The following CDH12 variants were observed in gnomAD, a reference collection of about 807,000 sequenced individuals.
CDH12 encodes cadherin-12.
In CDH12, 41 loss-of-function variants were observed where a neutral mutation model predicts 74.1. The observed-to-expected ratio is 0.55, with a 90% CI of 0.43 to 0.72. The LOEUF (loss-of-function observed/expected upper bound fraction) is 0.72. Ranked by LOEUF, CDH12 falls within the 30% of genes least tolerant of loss-of-function variation. The pLI is 0.00. For synonymous variants in CDH12, 399 were observed against 355.0 expected, an observed-to-expected ratio of 1.12 and a Z score of -1.39; for missense variants, 945 against 977.2, an observed-to-expected ratio of 0.97 and a Z score of 0.44.
intron 3 of CDH12, among the ~76,000 whole-genome samples, chr5:22,358,974 C>T (rs2150471493): frequency 6.6e-6 from 1 of 152,272 alleles, no homozygotes; most frequent in African/African-American, 2.4e-5. Flanking sequence ...ACTGCAAAAA[C>T]ATGCCAAAGT....
At chr5:21,891,572 T>TACACACAC (rs66657734) in intron 6 of CDH12, among the ~76,000 whole-genome samples, 15,568 of 144,938 alleles carry the variant, frequency 0.11, 958 homozygotes, top group Admixed American at 0.17. Flanking sequence ...CACACACACA[T>TACACACAC]ACACACACAC....
chr5:22,403,137 G>T (rs1212972143), intron 3 of CDH12, among the ~76,000 whole-genome samples: 1 of 152,170 alleles, frequency 6.6e-6, no homozygotes, highest in Non-Finnish European at 1.5e-5. Context: ...CTCCCAGAAA[G>T]GACCAACCCT....
intron 5 of CDH12, among the ~76,000 whole-genome samples, chr5:22,047,328 G>A (rs1259793024): frequency 2.6e-5 from 4 of 151,896 alleles, no homozygotes; most frequent in Non-Finnish European, 5.9e-5. Flanking sequence ...TTGGCTGCAG[G>A]CTTTTCACCT....
At chr5:21,897,447 G>A (rs138316653) in intron 6 of CDH12, among the ~76,000 whole-genome samples, 260 of 152,258 alleles carry the variant, frequency 1.7e-3, no homozygotes, top group African/African-American at 5.8e-3. Flanking sequence ...TGTCTGTTAC[G>A]TTGAATGAAA....
Position 22,430,076 on chromosome 5 carries a change from C to T in CDH12, c.-427-24725G>A, listed in dbSNP as rs1048163259. Among the ~76,000 whole-genome samples, 8 of 151,910 alleles carry T rather than the reference C, an allele frequency of 5.3e-5. No homozygotes were observed. In the East Asian group the frequency reaches 1.5e-3, roughly 29 times the overall value. ...ATTTTTCCATTTTCCTTTTATATAC[C>T]CCCTAAGATACTTTTACTACTTGAG... On this transcript the variant is annotated intron_variant, in intron 2 of 14. Transcript: ENST00000382254.
At chr5:22,559,039 T>C (rs1738928683) in intron 1 of CDH12, among the ~76,000 whole-genome samples, 1 of 152,132 alleles carries the variant, frequency 6.6e-6, no homozygotes, top group African/African-American at 2.4e-5. Context: ...TCCTTTTCTA[T>C]CTACTCCTTA....
intron 4 of CDH12, among the ~76,000 whole-genome samples, chr5:22,150,807 T>G (rs1747525396): frequency 6.6e-6 from 1 of 152,102 alleles, no homozygotes. Flanking sequence ...AAAAAAGATA[T>G]CCCCTCTAGG....
chr5:22,739,316 A>ATT (rs371069347), intron 1 of CDH12, among the ~76,000 whole-genome samples: 90 of 75,154 alleles, frequency 1.2e-3, no homozygotes, highest in African/African-American at 3.1e-3. Flanking sequence ...TAAAAATTTT[A>ATT]CTTTTTTTTA....
At chr5:22,388,245 T>C (rs2126408787) in intron 3 of CDH12, among the ~76,000 whole-genome samples, 1 of 152,212 alleles carries the variant, frequency 6.6e-6, no homozygotes, top group East Asian at 1.9e-4. Flanking sequence ...TGAACTACAC[T>C]ACAGTATTAG....
intron 1 of CDH12, among the ~76,000 whole-genome samples, chr5:22,521,940 G>A (rs531658571): frequency 2.0e-5 from 3 of 151,908 alleles, no homozygotes; most frequent in Non-Finnish European, 2.9e-5. Context: ...AACCAAATTA[G>A]CAAAAAGTTG....
chr5:22,682,555 T>C (rs1741551481), intron 1 of CDH12, among the ~76,000 whole-genome samples: 1 of 152,064 alleles, frequency 6.6e-6, no homozygotes, highest in East Asian at 1.9e-4. Context: ...CTCAGACTAT[T>C]CTAAAACTTA....
At position 22,190,839 on chromosome 5, in the gene CDH12, A is replaced by G. The variant is rs574853217; in HGVS notation, c.-187+21659T>C. 2.6e-5 allele frequency among the ~76,000 whole-genome samples: 4 copies of G among 152,070 alleles called. No individual in the cohort carries two copies. The East Asian group carries it at 7.8e-4, about 30-fold the overall frequency. ...TCAGCTCCGTAAATCAGGGTCTCAGACTCATCCCTGACTACACACTCCCAC... is the reference window on the plus strand; with the variant it reads ...TCAGCTCCGTAAATCAGGGTCTCAGGCTCATCCCTGACTACACACTCCCAC... On this transcript the variant is annotated intron_variant, in intron 4 of 14. Transcript: ENST00000382254.
intron 10 of CDH12, among the ~76,000 whole-genome samples, chr5:21,792,948 T>C (rs1296975753): frequency 6.6e-6 from 1 of 151,812 alleles, no homozygotes; most frequent in Non-Finnish European, 1.5e-5. Flanking sequence ...CTGTAATACC[T>C]GACTAAATAA....
intron 5 of CDH12, among the ~76,000 whole-genome samples, chr5:22,004,915 A>G (rs564875696): frequency 6.6e-6 from 1 of 152,254 alleles, no homozygotes; most frequent in South Asian, 2.1e-4. Context: ...TGATTTTTCC[A>G]GTTATTTCAC....
At chr5:22,786,214 A>G (rs1040328290) in intron 1 of CDH12, among the ~76,000 whole-genome samples, 4 of 152,198 alleles carry the variant, frequency 2.6e-5, no homozygotes, top group Admixed American at 2.6e-4. Flanking sequence ...TAATGCAGGA[A>G]CAGAAAAACA....
At chr5:22,672,118 T>TAA (rs1010191729) in intron 1 of CDH12, among the ~76,000 whole-genome samples, 14 of 130,100 alleles carry the variant, frequency 1.1e-4, no homozygotes, top group Admixed American at 2.4e-4. Context: ...TATATAAATA[T>TAA]ATATTATTTT....
chr5:22,272,510 A>T (rs1736442366), intron 3 of CDH12, among the ~76,000 whole-genome samples: 1 of 152,200 alleles, frequency 6.6e-6, no homozygotes, highest in Non-Finnish European at 1.5e-5. Context: ...TAGAAAACTG[A>T]TGCAGGGCCC....
At chr5:21,943,186 C>T (rs1457213488) in intron 6 of CDH12, among the ~76,000 whole-genome samples, 1 of 151,850 alleles carries the variant, frequency 6.6e-6, no homozygotes, top group African/African-American at 2.4e-5. Context: ...TCAATTAAGC[C>T]TCTTTCCTTT....
chr5:22,708,691 C>G (rs2126970625), intron 1 of CDH12, among the ~76,000 whole-genome samples: 1 of 152,042 alleles, frequency 6.6e-6, no homozygotes, highest in Non-Finnish European at 1.5e-5. Flanking sequence ...TGTAATCTCT[C>G]AAAATCTATA....
Sources: allele counts gnomAD v4.1 joint callset (sites outside exome capture counted in the v4.1 genomes callset), GRCh38; gene constraint gnomAD v4.1.1; transcripts MANE v1.5; gene names NCBI Gene and HGNC (gene_info 2026-07-23, HGNC 2026-07-21).